The following PTPN2 variants were observed in gnomAD, a reference collection of about 807,000 sequenced individuals.
The protein encoded by PTPN2 is protein tyrosine phosphatase non-receptor type 2.
In PTPN2, 19 loss-of-function variants were observed where a neutral mutation model predicts 57.3. The ratio of observed to expected loss-of-function variants is 0.33; its 90% CI spans 0.23 to 0.49. PTPN2 has a LOEUF of 0.49. PTPN2 is among the 20% of genes least tolerant of loss of function. The pLI is 0.99. For missense variants in PTPN2, 358 were observed against 501.1 expected (o/e 0.71, Z 2.73); for synonymous variants, 153 against 164.9 (o/e 0.93, Z 0.55).
intron 5 of PTPN2, 93 bp downstream of exon 5, chr18:12,825,717 T>C: frequency 8.0e-7 from 1 of 1,256,332 alleles, no homozygotes; most frequent in African/African-American, 1.5e-5. Flanking sequence ...ATTATCCAAA[T>C]GCATGTGCTT....
intron 1 of PTPN2, among the ~76,000 whole-genome samples, chr18:12,879,248 C>T (rs2044590785): frequency 6.6e-6 from 1 of 152,178 alleles, no homozygotes; most frequent in African/African-American, 2.4e-5. Flanking sequence ...AAGTGATCCT[C>T]CCACCTCAGC....
At chr18:12,804,878 G>C (rs192101529) in intron 7 of PTPN2, among the ~76,000 whole-genome samples, 146 of 152,124 alleles carry the variant, frequency 9.6e-4, no homozygotes, top group Non-Finnish European at 1.8e-3. Flanking sequence ...TGTAAGGCCA[G>C]CATTACCCTG....
intron 8 of PTPN2, among the ~76,000 whole-genome samples, chr18:12,794,971 C>A (rs746258647): frequency 6.6e-6 from 1 of 152,140 alleles, no homozygotes; most frequent in Non-Finnish European, 1.5e-5. Flanking sequence ...ACCTTGACAA[C>A]CATTCCTGGT....
intron 3 of PTPN2, among the ~76,000 whole-genome samples, chr18:12,831,767 A>C (rs1391775993): frequency 1.3e-5 from 2 of 152,232 alleles, no homozygotes; most frequent in East Asian, 1.9e-4. Context: ...TCAATGGAAG[A>C]GTATTGGGCA....
chr18:12,794,410 T>G lies in PTPN2; in HGVS notation c.1116A>C (p.Leu372=), dbSNP rs773299009. Residue 372 remains leucine, a synonymous_variant, in exon 9 of 9, where the codon CTA becomes CTC. Transcript: ENST00000309660. ...AQKVQQMKQR[L]NENERKRKRW... ...TTTTTCTTTTTCGTTCATTCTCATTTAGCCTCTGTTTCATCTGCTGCACCT... is the reference window on the plus strand; with the variant it reads ...TTTTTCTTTTTCGTTCATTCTCATTGAGCCTCTGTTTCATCTGCTGCACCT... 6.2e-7 allele frequency: 1 copy of G among 1,614,242 alleles called. No individual in the cohort carries two copies. The highest frequency in any genetic ancestry group is 1.1e-5 in the South Asian group (1 of 91,082).
chr18:12,798,959 T>C (rs2041298672), intron 8 of PTPN2, among the ~76,000 whole-genome samples: 1 of 152,236 alleles, frequency 6.6e-6, no homozygotes, highest in African/African-American at 2.4e-5. Flanking sequence ...TGATAATTTC[T>C]ATTTTATTCT....
intron 3 of PTPN2, among the ~76,000 whole-genome samples, chr18:12,835,736 A>G (rs959543558): frequency 1.3e-5 from 2 of 152,136 alleles, no homozygotes; most frequent in African/African-American, 4.8e-5. Context: ...GGTCGGTCAG[A>G]GTATTTGAAC....
intron 1 of PTPN2, among the ~76,000 whole-genome samples, chr18:12,883,021 C>T (rs912548005): frequency 2.6e-5 from 4 of 152,140 alleles, no homozygotes; most frequent in African/African-American, 9.7e-5. Flanking sequence ...GTCTAGTTGA[C>T]ATAAAAAAAG....
intron 6 of PTPN2, 131 bp from the exon 7 acceptor site, chr18:12,814,486 A>C: frequency 2.7e-6 from 2 of 734,534 alleles, no homozygotes; most frequent in Non-Finnish European, 4.3e-6. Flanking sequence ...TTAACCCTCC[A>C]GCTATAACTG....
At chr18:12,824,756 G>C (rs2042388199) in intron 5 of PTPN2, among the ~76,000 whole-genome samples, 1 of 152,070 alleles carries the variant, frequency 6.6e-6, no homozygotes. Flanking sequence ...CCTCAACCAA[G>C]GCCCAAGGAA....
intron 7 of PTPN2, among the ~76,000 whole-genome samples, chr18:12,813,497 A>T (rs953968270): frequency 2.0e-5 from 3 of 152,204 alleles, no homozygotes; most frequent in African/African-American, 7.2e-5. Flanking sequence ...TCTAATTTAC[A>T]TTCTTATATT....
chr18:12,883,179 T>C (rs1487191726), intron 1 of PTPN2, among the ~76,000 whole-genome samples: 2 of 152,150 alleles, frequency 1.3e-5, no homozygotes, highest in Non-Finnish European at 2.9e-5. Context: ...TTGAGGGGGC[T>C]TGCAAGAGGG....
rs773656395 is a variant in PTPN2, at chr18:12,814,368, C to T, written c.706-13G>A. On this transcript the variant is annotated splice_polypyrimidine_tract_variant and intron_variant, in intron 6 of 8. Transcript: ENST00000309660. ...CTCCTTTTTCCATCTGCAAGAAAGG[C>T]AAAAAATGAGACAAGTCTTGTTATT... 5.7e-6 allele frequency: 9 copies of T among 1,566,328 alleles called. No individual in the cohort carries two copies. In the South Asian group the frequency reaches 7.1e-5, roughly 12 times the overall value.
In PTPN2 at chr18:12,859,239, A is replaced by G; in HGVS notation, c.85T>C (p.Ser29Pro). 6.2e-7 allele frequency: 1 copy of G among 1,611,062 alleles called. No homozygotes were observed. Among genetic ancestry groups the G allele is most frequent in the Non-Finnish European group, 8.5e-7 (1 of 1,177,982 alleles). The change falls in exon 2 of 9, where the codon TCC (serine) becomes CCC (proline). Residue 29 changes from serine (S) to proline (P), a missense_variant. Coordinates refer to ENST00000309660, the MANE Select transcript of PTPN2 (RefSeq NM_002828.4). Reference protein sequence around the residue: ...QPLYLEIRNESHDYPHRVAKF... With the variant: ...QPLYLEIRNEPHDYPHRVAKF... ...GCCACTCTATGAGGATAGTCATGGG[A>G]CTCATTTCGAATTTCCTTAAAATAA... is the stretch of plus-strand genomic sequence containing the variant.
chr18:12,884,016 G>C lies in PTPN2; in HGVS notation c.69+57C>G, dbSNP rs562097155. On this transcript the variant is annotated intron_variant, in intron 1 of 8. Coordinates refer to ENST00000309660, the MANE Select transcript of PTPN2 (RefSeq NM_002828.4). ...GAGGCGGGAGGGACCCTGCGGACAG[G>C]GCACGAGTCCGGGTCTCGGAGGAGG... 9 of 1,457,678 alleles carry C rather than the reference G, an allele frequency of 6.2e-6. No individual in the cohort carries two copies. The African/African-American group carries it at 1.1e-4, about 18-fold the overall frequency. The allele number at this position is 1,457,678 out of a possible 1,614,324, so 90.3% of individuals were successfully genotyped here.
chr18:12,870,969 G>C (rs1019934384), intron 1 of PTPN2, among the ~76,000 whole-genome samples: 2 of 151,908 alleles, frequency 1.3e-5, no homozygotes, highest in African/African-American at 4.8e-5. Flanking sequence ...TTTCCCTTAG[G>C]TGATAACTGT....
In PTPN2 at chr18:12,794,245, T is replaced by C. The variant is rs1306930652; in HGVS notation, c.*33A>G. The C allele has an allele frequency of 2.5e-6, 4 of 1,613,246 alleles. No individual in the cohort carries two copies. Among genetic ancestry groups the C allele is most frequent in the South Asian group, 1.1e-5 (1 of 91,004 alleles). ...TGATTAATGTAGCACTGTCAGTTAC[T>C]AGTGCAGAAGCTTGCTGGGCAAAAT... is the stretch of plus-strand genomic sequence containing the variant. On this transcript the variant is annotated 3_prime_UTR_variant, in exon 9 of 9. Transcript: ENST00000309660.
intron 9 of PTPN2, chr18:12,786,996 AATAT>A (rs769553149): frequency 6.6e-6 from 1 of 152,186 alleles, no homozygotes; most frequent in Non-Finnish European, 1.5e-5. Flanking sequence ...AGTGCTGCAA[AATAT>A]ATATGTTTTC....
At chr18:12,854,309 G>C (rs533598308) in intron 2 of PTPN2, among the ~76,000 whole-genome samples, 57 of 146,932 alleles carry the variant, frequency 3.9e-4, no homozygotes, top group African/African-American at 1.4e-3. Flanking sequence ...GCAGTGAGCC[G>C]AGACGGTGCC....
Sources: gnomAD v4.1 joint callset for allele counts (sites outside exome capture counted in the v4.1 genomes callset) on GRCh38, gnomAD v4.1.1 for gene constraint, MANE v1.5 for transcripts, NCBI Gene and HGNC (gene_info 2026-07-23, HGNC 2026-07-21) for gene names.